The following ZDHHC11B variants were observed in gnomAD, a reference collection of about 807,000 sequenced individuals.
ZDHHC11B encodes zDHHC palmitoyltransferase 11B (putative), also known as probable palmitoyltransferase ZDHHC11B.
Under a neutral mutation model 42.3 loss-of-function variants are expected in ZDHHC11B, and 17 were observed. The ratio of observed to expected loss-of-function variants is 0.40; its 90% CI spans 0.27 to 0.60. The LOEUF (loss-of-function observed/expected upper bound fraction) is 0.60. Ranked by LOEUF, ZDHHC11B falls within the 20% of genes least tolerant of loss-of-function variation. The probability of loss-of-function intolerance (pLI) is 0.41; values close to 1 mark genes in which losing one functional copy is unlikely to be tolerated. For synonymous variants in ZDHHC11B, 123 were observed against 193.5 expected (o/e 0.64, Z 3.02); for missense variants, 262 against 463.2 (o/e 0.57, Z 3.99).
intron 12 of ZDHHC11B, among the ~76,000 whole-genome samples, chr5:719,018 C>T (rs961237424): frequency 1.7e-4 from 25 of 150,724 alleles, no homozygotes; most frequent in Admixed American, 2.6e-4. Context: ...CACACAGTAC[C>T]CCCTTGTTTG....
chr5:777,798 C>A (rs956657042), intron 1 of ZDHHC11B, among the ~76,000 whole-genome samples: 2 of 151,996 alleles, frequency 1.3e-5, no homozygotes, highest in African/African-American at 2.4e-5. Context: ...GCAGGCGGAG[C>A]TGCCCGCCAG....
At chr5:771,323 A>T (rs452681) in intron 1 of ZDHHC11B, among the ~76,000 whole-genome samples, 3 of 151,106 alleles carry the variant, frequency 2.0e-5, no homozygotes, top group African/African-American at 7.3e-5. Flanking sequence ...GGCACTCCCT[A>T]CACTGAAGAC....
intron 1 of ZDHHC11B, among the ~76,000 whole-genome samples, chr5:783,282 G>A (rs750360187): frequency 0.095 from 12,731 of 134,442 alleles, 3 homozygotes; most frequent in African/African-American, 0.13. Context: ...CGCTGGCACC[G>A]AGCGGCTGAC....
chr5:726,210 A>G lies in ZDHHC11B; in HGVS notation c.1058+4224T>C, dbSNP rs531540262. On this transcript the variant is annotated intron_variant, in intron 12 of 13. Transcript: ENST00000508859. ...ATCACACCTCACAGGCTCTTAGTGA[A>G]TGGACTTTCCCCGTGTGGCAAAGCG... 3.3e-4 allele frequency among the ~76,000 whole-genome samples: 50 copies of G among 151,782 alleles called. 2 individuals carry two copies. Among genetic ancestry groups the G allele is most frequent in the African/African-American group, 1.1e-3 (47 of 41,204 alleles).
chr5:752,358 T>A (rs1165530615), intron 6 of ZDHHC11B, among the ~76,000 whole-genome samples: 1 of 97,426 alleles, frequency 1.0e-5, no homozygotes, highest in Non-Finnish European at 2.4e-5. Context: ...TGAGACCAAA[T>A]CCACTCCCAG....
At chr5:744,804 G>A (rs1221937149) in intron 9 of ZDHHC11B, among the ~76,000 whole-genome samples, 1 of 148,938 alleles carries the variant, frequency 6.7e-6, no homozygotes, top group African/African-American at 2.5e-5. Flanking sequence ...CCAGGAGGTG[G>A]CGGCTACAAT....
chr5:759,228 G>A (rs404125), intron 4 of ZDHHC11B, among the ~76,000 whole-genome samples: 122,618 of 151,518 alleles, frequency 0.81, 49,281 homozygotes, highest in African/African-American at 0.88. Flanking sequence ...GTAAATAAAC[G>A]GCGCCGCAGC....
In ZDHHC11B at chr5:764,943, ATCT is replaced by A. The variant is rs1292928953; in HGVS notation, c.222+1752_222+1754del. ...CCAATCAGCACTCTGTATCTAGCTA[ATCT>A]GGTGGGGACTTGGAGAACCTTTATG... On this transcript the variant is annotated intron_variant, in intron 4 of 13. Transcript: ENST00000508859. Among the ~76,000 whole-genome samples, 16 of 57,890 alleles carry A rather than the reference ATCT, an allele frequency of 2.8e-4. 4 individuals carry two copies. The highest frequency in any genetic ancestry group is 8.1e-4 in the Admixed American group (4 of 4,934). 38.0% of individuals were successfully genotyped at this position (57,890 alleles called of 152,430 possible).
intron 4 of ZDHHC11B, among the ~76,000 whole-genome samples, chr5:760,478 C>A (rs1267769885): frequency 6.6e-6 from 1 of 151,694 alleles, no homozygotes; most frequent in Non-Finnish European, 1.5e-5. Context: ...AGTGTGCAGC[C>A]AGCACCCGAT....
At chr5:727,255 G>A (rs576195483) in intron 12 of ZDHHC11B, among the ~76,000 whole-genome samples, 2,645 of 127,708 alleles carry the variant, frequency 0.021, 33 homozygotes, top group Non-Finnish European at 0.034. Flanking sequence ...AGCTTCTGGG[G>A]CAACTCAGGA....
intron 1 of ZDHHC11B, among the ~76,000 whole-genome samples, chr5:780,598 C>T (rs1320274737): frequency 7.4e-6 from 1 of 135,744 alleles, no homozygotes; most frequent in Non-Finnish European, 1.5e-5. Flanking sequence ...GACCCCATCC[C>T]ACTCCCGGAA....
At chr5:726,369 C>G (rs566095950) in intron 12 of ZDHHC11B, among the ~76,000 whole-genome samples, 2 of 149,726 alleles carry the variant, frequency 1.3e-5, no homozygotes, top group African/African-American at 2.5e-5. Context: ...TTAGGTGACC[C>G]TGGAAGCATA....
chr5:715,824 G>A (rs1158014088), intron 13 of ZDHHC11B, among the ~76,000 whole-genome samples: 63 of 151,460 alleles, frequency 4.2e-4, no homozygotes, highest in African/African-American at 1.4e-3. Flanking sequence ...GGGCTGTGCT[G>A]CTGGGAGACC....
rs565644973 is a variant in ZDHHC11B, at chr5:714,235, T to C, written c.*8-1953A>G. Among the ~76,000 whole-genome samples the C allele has an allele frequency of 6.9e-4, 94 of 136,652 alleles. 3 individuals carry two copies. Among genetic ancestry groups the C allele is most frequent in the African/African-American group, 2.9e-3 (91 of 31,754 alleles). 89.6% of individuals were successfully genotyped at this position (136,652 alleles called of 152,430 possible). A position where few individuals can be genotyped will look rare whatever the true frequency, so the allele number is the denominator to read the frequency against. On this transcript the variant is annotated intron_variant, in intron 13 of 13. Coordinates refer to ENST00000508859, the MANE Select transcript of ZDHHC11B (RefSeq NM_001351303.2). ...TCATTCCTTCTTTCTTTCCCCTCCC[T>C]TTTCCCTTTATGCCATCGGTCTGTA...
intron 4 of ZDHHC11B, 133 bp from the exon 5 acceptor site, chr5:756,277 AGCTCACCCAGGCCTGGCCCT>A (rs1483777816): frequency 4.4e-6 from 6 of 1,369,490 alleles, no homozygotes; most frequent in African/African-American, 1.4e-5. Context: ...ACGTGAGCCC[AGCTCACCCAGGCCTGGCCCT>A]GCTCACATGG....
chr5:766,795 C>T lies in ZDHHC11B; in HGVS notation c.125G>A (p.Arg42Gln), dbSNP rs1809933. 0.72 allele frequency: 1,160,905 copies of T among 1,609,084 alleles called. 398,087 individuals are homozygous for T. Among genetic ancestry groups the T allele is most frequent in the Admixed American group, 0.82 (49,275 of 59,790 alleles). Residue 42 changes from arginine to glutamine, a missense_variant, in exon 4 of 14, where the codon CGG becomes CAG. Arg to Gln is a conservative substitution (Grantham distance 43). Coordinates refer to ENST00000508859, the MANE Select transcript of ZDHHC11B (RefSeq NM_001351303.2). ...NGWSLPLHYFRVVTWAVFVGL... is the reference protein window; with the variant it reads ...NGWSLPLHYFQVVTWAVFVGL... ...AACGAAGACAGCCCAAGTCACCACC[C>T]GGAAGTAGTGCAGGGGTAACGACCA...
intron 4 of ZDHHC11B, among the ~76,000 whole-genome samples, chr5:761,765 C>T (rs1265189546): frequency 6.6e-6 from 1 of 150,642 alleles, no homozygotes; most frequent in Non-Finnish European, 1.5e-5. Context: ...GAAGTGAGCA[C>T]TGCTTCCCTA....
At chr5:783,654 A>G (rs1342618864) in intron 1 of ZDHHC11B, among the ~76,000 whole-genome samples, 3 of 73,326 alleles carry the variant, frequency 4.1e-5, no homozygotes, top group Admixed American at 2.2e-4. Context: ...AATAGCCCCC[A>G]ACCCCCATCA....
In ZDHHC11B at chr5:732,768, G is replaced by A. The variant is rs1404958376; in HGVS notation, c.1023+984C>T. On this transcript the variant is annotated intron_variant, in intron 11 of 13. Coordinates refer to ENST00000508859, the MANE Select transcript of ZDHHC11B (RefSeq NM_001351303.2). ...CCTGTGGCCTGGCATGGAGGCTCACGCCTCTAATCCCTGTGCTATTAGAGG... is the reference window on the plus strand; with the variant it reads ...CCTGTGGCCTGGCATGGAGGCTCACACCTCTAATCCCTGTGCTATTAGAGG... 17 of 344,244 alleles carry A rather than the reference G, an allele frequency of 4.9e-5. No individual in the cohort carries two copies. The East Asian group carries it at 5.0e-4, about 10-fold the overall frequency. 21.3% of individuals were successfully genotyped at this position (344,244 alleles called of 1,614,324 possible).
Sources: gnomAD v4.1 joint callset for allele counts (sites outside exome capture counted in the v4.1 genomes callset) on GRCh38, gnomAD v4.1.1 for gene constraint, MANE v1.5 for transcripts, NCBI Gene and HGNC (gene_info 2026-07-23, HGNC 2026-07-21) for gene names.